LRP5: variants seen among roughly 807,000 people sequenced by gnomAD.
The protein encoded by LRP5 is low-density lipoprotein receptor-related protein 5.
Under a neutral mutation model 154.1 loss-of-function variants are expected in LRP5, and 62 were observed. That is an observed-to-expected ratio of 0.40 (90% CI 0.33 to 0.50). The LOEUF (loss-of-function observed/expected upper bound fraction) is 0.50, where lower values mean the gene tolerates loss of function less well. Among genes scored for constraint, LRP5 ranks in the 20% least tolerant of loss-of-function variants. LRP5 has a pLI of 0.55. For synonymous variants in LRP5, 966 were observed against 1,011.5 expected (o/e 0.96, Z 0.85); for missense variants, 1,915 against 2,336.7 (o/e 0.82, Z 3.72).
intron 17 of LRP5, among the ~76,000 whole-genome samples, chr11:68,431,371 C>G (rs2098671812): frequency 6.6e-6 from 1 of 151,396 alleles, no homozygotes; most frequent in Admixed American, 6.6e-5. Flanking sequence ...TCCCAAGTAG[C>G]TGGGATTACA....
rs1276539470 is a variant in LRP5, at chr11:68,348,304, C to A, written c.488+61C>A. On this transcript the variant is annotated intron_variant, in intron 2 of 22. Coordinates refer to ENST00000294304, the MANE Select transcript of LRP5 (RefSeq NM_002335.4). ...GCGGGGAGTGTCACCATCTCTCTCT[C>A]GAATTTGCATGAGCCCAAGTTGTTT... is the stretch of plus-strand genomic sequence containing the variant. 7 of 1,588,888 alleles carry A rather than the reference C, an allele frequency of 4.4e-6. No homozygotes were observed. In the African/African-American group the frequency reaches 6.7e-5, roughly 15 times the overall value.
intron 13 of LRP5, among the ~76,000 whole-genome samples, chr11:68,418,145 C>T (rs933310402): frequency 2.6e-5 from 4 of 151,784 alleles, no homozygotes; most frequent in East Asian, 2.0e-4. Flanking sequence ...CTGCAGAGCC[C>T]GCTTGTATCC....
At chr11:68,426,691 A>G (rs1320652148) in intron 16 of LRP5, among the ~76,000 whole-genome samples, 2 of 151,978 alleles carry the variant, frequency 1.3e-5, no homozygotes, top group Non-Finnish European at 2.9e-5. Context: ...CCAAAGTGCT[A>G]GGATTATAGG....
At position 68,363,734 on chromosome 11, in the gene LRP5, T is replaced by G. The variant is rs2098629301; in HGVS notation, c.687-13T>G. The G allele has an allele frequency of 6.2e-7, 1 of 1,609,976 alleles. No individual in the cohort carries two copies. Among genetic ancestry groups the G allele is most frequent in the Non-Finnish European group, 8.5e-7 (1 of 1,178,464 alleles). On this transcript the variant is annotated splice_polypyrimidine_tract_variant and intron_variant, in intron 3 of 22. Coordinates refer to ENST00000294304, the MANE Select transcript of LRP5 (RefSeq NM_002335.4). Reference sequence around the variant, plus strand: ...CTCCTGATGGCTCCTCCACCCCGCTTCCCTGACTGCAGGCAGAAGGTGGTG... The same window carrying G: ...CTCCTGATGGCTCCTCCACCCCGCTGCCCTGACTGCAGGCAGAAGGTGGTG...
chr11:68,423,631 C>G lies in LRP5; in HGVS notation c.3170C>G (p.Ala1057Gly). Residue 1057 changes from alanine (A) to glycine (G), a missense_variant, in exon 14 of 23, where the codon GCC (alanine) becomes GGC (glycine). This residue lies in a region of LRP5 where 1,094 missense variants were observed against 1,210.1 expected (regional missense o/e 0.90). Coordinates refer to ENST00000294304, the MANE Select transcript of LRP5 (RefSeq NM_002335.4). This position sits in a 1 kb window ranked among gnomAD's most constrained non-coding sequence, Gnocchi z 4.7. The part of the protein sequence containing the change: ...TINVHRLSGE[A>G]MGVVLRGDRD... ...AACGTCCACAGGCTGAGCGGGGAAG[C>G]CATGGGGGTGGTGCTGCGTGGGGAC... 1.9e-6 allele frequency: 3 copies of G among 1,614,162 alleles called. No individual in the cohort carries two copies. The highest frequency in any genetic ancestry group is 2.5e-6 in the Non-Finnish European group (3 of 1,180,028).
intron 3 of LRP5, among the ~76,000 whole-genome samples, chr11:68,358,716 C>T (rs181230045): frequency 6.6e-6 from 1 of 152,356 alleles, no homozygotes; most frequent in Admixed American, 6.5e-5. Context: ...TGGTTAATTG[C>T]TTTTAGAGCC....
intron 1 of LRP5, among the ~76,000 whole-genome samples, chr11:68,325,247 T>A (rs1339474919): frequency 6.6e-6 from 1 of 152,140 alleles, no homozygotes; most frequent in African/African-American, 2.4e-5. Flanking sequence ...TTCAGGGATG[T>A]CCCCAGCCTC....
At chr11:68,448,726 C>T (rs2098682759) in intron 22 of LRP5, 83 bp from the exon 23 acceptor site, 1 of 1,559,988 alleles carries the variant, frequency 6.4e-7, no homozygotes, top group Non-Finnish European at 8.7e-7. Flanking sequence ...ACAGGCCTTT[C>T]CCGTTCACAG....
chr11:68,380,822 G>A (rs376950383), intron 5 of LRP5, among the ~76,000 whole-genome samples: 3 of 152,256 alleles, frequency 2.0e-5, no homozygotes, highest in Admixed American at 6.5e-5. Flanking sequence ...GGCCCAGGCC[G>A]TCTGCTCTGC....
At chr11:68,334,164 G>T (rs988798468) in intron 1 of LRP5, among the ~76,000 whole-genome samples, 1 of 152,206 alleles carries the variant, frequency 6.6e-6, no homozygotes. Flanking sequence ...AACCCAGGAG[G>T]CGGACGTTGC....
At chr11:68,401,469 G>C (rs1265051542) in intron 7 of LRP5, among the ~76,000 whole-genome samples, 3 of 152,212 alleles carry the variant, frequency 2.0e-5, no homozygotes, top group Non-Finnish European at 4.4e-5. Context: ...ATCCGATTCT[G>C]ACTTAATTGC....
chr11:68,387,530 G>T (rs1295836260), intron 6 of LRP5, among the ~76,000 whole-genome samples: 1 of 152,216 alleles, frequency 6.6e-6, no homozygotes, highest in African/African-American at 2.4e-5. Context: ...CTTGCCCAGG[G>T]TCACACAGCA....
chr11:68,386,321 G>A lies in LRP5; in HGVS notation c.1021G>A (p.Glu341Lys), dbSNP rs184945579. 34 of 1,612,036 alleles carry A rather than the reference G, an allele frequency of 2.1e-5. No homozygotes were observed. The highest frequency in any genetic ancestry group is 1.6e-4 in the East Asian group (7 of 44,874). ...CATTGCACCTGTCTCCACAGGAGCCGAGGAGGTGCTGCTGCTGGCCCGGCG... is the reference window on the plus strand; with the variant it reads ...CATTGCACCTGTCTCCACAGGAGCCAAGGAGGTGCTGCTGCTGGCCCGGCG... The part of the protein sequence containing the change: ...DNGRTCKAGA[E>K]EVLLLARRTD... The change falls in exon 6 of 23, where the codon GAG (glutamate) becomes AAG (lysine). Residue 341 changes from glutamate (E) to lysine (K), a missense_variant. By Grantham distance (56) the Glu-to-Lys change is moderately conservative. Around this residue, in one of 3 missense-constraint regions of LRP5, gnomAD observed 773 missense variants for 1,100.9 expected, o/e 0.70. Transcript: ENST00000294304. This position sits in a 1 kb window ranked among gnomAD's most constrained non-coding sequence, Gnocchi z 7.9.
intron 18 of LRP5, 83 bp from the exon 19 acceptor site, chr11:68,436,806 G>T: frequency 1.0e-6 from 1 of 969,732 alleles, no homozygotes; most frequent in East Asian, 2.4e-5. Flanking sequence ...TCTGTTTGGA[G>T]TCCAGACCTT....
intron 13 of LRP5, 66 bp downstream of exon 13, chr11:68,416,593 C>T (rs2153169451): frequency 1.4e-6 from 2 of 1,466,198 alleles, no homozygotes; most frequent in East Asian, 2.3e-5. Context: ...GGTTTCCAGG[C>T]TGCTGCCCCT....
intron 8 of LRP5, among the ~76,000 whole-genome samples, chr11:68,404,838 C>T (rs1207810595): frequency 1.2e-4 from 18 of 151,742 alleles, no homozygotes; most frequent in African/African-American, 7.3e-5. Flanking sequence ...GGTGCGGTGG[C>T]AGGCGCCTGT....
In LRP5 at chr11:68,367,480, AG is replaced by A. The variant is rs368221607; in HGVS notation, c.1015+1783del. On this transcript the variant is annotated intron_variant, in intron 5 of 22. Transcript: ENST00000294304. ...CAGGACGCTGCCTGCTCCCTGGAGG[AG>A]GGGGTGCCTCGGCTGCACAAGCCTC... 7.8e-4 allele frequency among the ~76,000 whole-genome samples: 118 copies of A among 152,246 alleles called. 5 individuals are homozygous for A. In the East Asian group the frequency reaches 0.02, roughly 26 times the overall value.
chr11:68,368,995 G>T (rs1029590973), intron 5 of LRP5, among the ~76,000 whole-genome samples: 1 of 151,912 alleles, frequency 6.6e-6, no homozygotes, highest in Non-Finnish European at 1.5e-5. Flanking sequence ...CCGCTACTAT[G>T]TCTGGCTAAT....
chr11:68,370,367 G>C (rs2098633375), intron 5 of LRP5, among the ~76,000 whole-genome samples: 1 of 152,054 alleles, frequency 6.6e-6, no homozygotes, highest in Non-Finnish European at 1.5e-5. Flanking sequence ...GAGAGGGGGG[G>C]ACAGGCCCTG....
Sources: allele counts gnomAD v4.1 joint callset (sites outside exome capture counted in the v4.1 genomes callset), GRCh38; gene constraint gnomAD v4.1.1; regional missense constraint gnomAD v4.1.1; non-coding constraint Gnocchi (gnomAD v3.1); transcripts MANE v1.5; gene names NCBI Gene and HGNC (gene_info 2026-07-23, HGNC 2026-07-21).